LINGO2: variants seen among roughly 807,000 people sequenced by gnomAD.
LINGO2 encodes leucine-rich repeat and immunoglobulin-like domain-containing nogo receptor-interacting protein 2.
In LINGO2, 14 loss-of-function variants were observed where a neutral mutation model predicts 30.6. That is an observed-to-expected ratio of 0.46 (90% confidence interval 0.30 to 0.72). The LOEUF is 0.72. Among genes scored for constraint, LINGO2 ranks in the 30% least tolerant of loss-of-function variants. The pLI is 0.07. For synonymous variants in LINGO2, 317 were observed against 288.5 expected, an observed-to-expected ratio of 1.10 and a Z score of -1.00; for missense variants, 729 against 751.7, an observed-to-expected ratio of 0.97 and a Z score of 0.35.
chr9:28,614,892 A>C (rs1183613437), intron 1 of LINGO2, among the ~76,000 whole-genome samples: 1 of 152,084 alleles, frequency 6.6e-6, no homozygotes, highest in Non-Finnish European at 1.5e-5. Context: ...TACACAAAAG[A>C]AATAGGTTAA....
rs12002612 is a variant in LINGO2, at chr9:28,012,987, G to A, written c.-86-582C>T. ...TGCGGAATTACATAAAGAATGCTGCGTGAGATTTTGTTTTTCTAACAACTT... is the reference window on the plus strand; with the variant it reads ...TGCGGAATTACATAAAGAATGCTGCATGAGATTTTGTTTTTCTAACAACTT... On this transcript the variant is annotated intron_variant, in intron 4 of 5. Transcript: ENST00000379992. Among the ~76,000 whole-genome samples, 591 of 152,224 alleles carry A rather than the reference G, an allele frequency of 3.9e-3. 3 individuals carry two copies. The highest frequency in any genetic ancestry group is 0.013 in the African/African-American group (554 of 41,546).
At chr9:29,173,328 A>G in the LINGO2 span, among the ~76,000 whole-genome samples, 1 of 152,118 alleles carries the variant, frequency 6.6e-6, no homozygotes, top group African/African-American at 2.4e-5. Flanking sequence ...GCTTCATTTC[A>G]GCTTTATATT....
At chr9:28,616,738 G>T (rs553631182) in intron 1 of LINGO2, among the ~76,000 whole-genome samples, 1 of 152,150 alleles carries the variant, frequency 6.6e-6, no homozygotes, top group Non-Finnish European at 1.5e-5. Context: ...TGCAACAGTC[G>T]GTTATCTAGG....
chr9:28,626,112 C>A (rs1030329600), intron 1 of LINGO2, among the ~76,000 whole-genome samples: 5 of 152,082 alleles, frequency 3.3e-5, no homozygotes, highest in Non-Finnish European at 5.9e-5. Flanking sequence ...AAATTGTAAC[C>A]ATTTTAGTTG....
At chr9:28,382,363 A>C (rs897495695) in intron 2 of LINGO2, among the ~76,000 whole-genome samples, 1 of 152,152 alleles carries the variant, frequency 6.6e-6, no homozygotes, top group Non-Finnish European at 1.5e-5. Context: ...AACTCATTAG[A>C]TACGTCTTTC....
intron 1 of LINGO2, among the ~76,000 whole-genome samples, chr9:28,527,092 A>G (rs1821065694): frequency 6.6e-6 from 1 of 152,292 alleles, no homozygotes; most frequent in Admixed American, 6.5e-5. Flanking sequence ...TTTACACAGA[A>G]GTAGAGTCAT....
At chr9:28,437,622 C>T (rs1259975441) in intron 2 of LINGO2, among the ~76,000 whole-genome samples, 2 of 151,926 alleles carry the variant, frequency 1.3e-5, no homozygotes, top group Non-Finnish European at 2.9e-5. Flanking sequence ...TCACTTCTAT[C>T]TCTCTGGAAA....
chr9:28,906,494 T>C, the LINGO2 span, among the ~76,000 whole-genome samples: 1 of 151,880 alleles, frequency 6.6e-6, no homozygotes, highest in South Asian at 2.1e-4. Flanking sequence ...GCAGATATCC[T>C]GGCAATGATT....
the LINGO2 span, among the ~76,000 whole-genome samples, chr9:28,981,156 T>C: frequency 6.6e-6 from 1 of 152,054 alleles, no homozygotes; most frequent in Admixed American, 6.6e-5. Flanking sequence ...AATACACAAG[T>C]GCATAGTGCT....
At chr9:28,433,314 A>C (rs1015701099) in intron 2 of LINGO2, among the ~76,000 whole-genome samples, 2 of 135,416 alleles carry the variant, frequency 1.5e-5, no homozygotes, top group African/African-American at 5.0e-5. Context: ...GGAAGATCTC[A>C]GCCACTGGGT....
intron 2 of LINGO2, among the ~76,000 whole-genome samples, chr9:28,470,862 A>T (rs1475497036): frequency 6.7e-6 from 1 of 148,804 alleles, no homozygotes; most frequent in South Asian, 2.1e-4. Flanking sequence ...TACAATTTAT[A>T]TATCTGTAAT....
chr9:28,132,004 C>A (rs979445518), intron 4 of LINGO2, among the ~76,000 whole-genome samples: 1 of 152,170 alleles, frequency 6.6e-6, no homozygotes, highest in Non-Finnish European at 1.5e-5. Context: ...CACTCTCCAG[C>A]TATGCTCTTG....
At chr9:28,553,585 T>C (rs1307017624) in intron 1 of LINGO2, among the ~76,000 whole-genome samples, 1 of 152,052 alleles carries the variant, frequency 6.6e-6, no homozygotes, top group African/African-American at 2.4e-5. Context: ...CAGGATATTA[T>C]CCAGGAGAAC....
At chr9:28,258,452 T>C (rs372971634) in intron 4 of LINGO2, among the ~76,000 whole-genome samples, 2 of 151,876 alleles carry the variant, frequency 1.3e-5, no homozygotes, top group South Asian at 2.1e-4. Context: ...TATAAACATA[T>C]AAAAAGATCA....
intron 2 of LINGO2, among the ~76,000 whole-genome samples, chr9:28,443,690 T>C (rs927675087): frequency 6.6e-6 from 1 of 152,164 alleles, no homozygotes; most frequent in African/African-American, 2.4e-5. Flanking sequence ...CCTCTGGACT[T>C]TGGGTGCCAA....
intron 4 of LINGO2, among the ~76,000 whole-genome samples, chr9:28,039,577 T>TATG (rs1350026233): frequency 6.6e-6 from 1 of 152,134 alleles, no homozygotes; most frequent in Non-Finnish European, 1.5e-5. Flanking sequence ...TTCCATTGAG[T>TATG]ACATGTAAGT....
At chr9:29,186,311 T>C in the LINGO2 span, among the ~76,000 whole-genome samples, 3 of 131,204 alleles carry the variant, frequency 2.3e-5, no homozygotes, top group Admixed American at 2.6e-4. Context: ...CTGCAATTTA[T>C]GTCACCAAAA....
In LINGO2 at chr9:28,531,050, T is replaced by A. The variant is rs905293937; in HGVS notation, c.-364-55025A>T. Among the ~76,000 whole-genome samples the A allele has an allele frequency of 3.4e-3, 499 of 145,502 alleles. 2 individuals are homozygous for A. The highest frequency in any genetic ancestry group is 0.011 in the African/African-American group (453 of 39,800). On this transcript the variant is annotated intron_variant, in intron 1 of 5. Coordinates refer to ENST00000379992, the Ensembl canonical transcript of LINGO2. Reference sequence around the variant, plus strand: ...TAAGTATGCCATATATAAAAATAAATATATATATATATATAATATATAAAA... The same window carrying A: ...TAAGTATGCCATATATAAAAATAAAAATATATATATATATAATATATAAAA...
chr9:28,338,904 C>A (rs1251579099), intron 3 of LINGO2, among the ~76,000 whole-genome samples: 1 of 151,924 alleles, frequency 6.6e-6, no homozygotes, highest in Admixed American at 6.6e-5. Context: ...ATACACCACC[C>A]CCTCATCCAC....
Sources: gnomAD v4.1 joint callset for allele counts (sites outside exome capture counted in the v4.1 genomes callset) on GRCh38, gnomAD v4.1.1 for gene constraint, MANE v1.5 for transcripts, NCBI Gene and HGNC (gene_info 2026-07-23, HGNC 2026-07-21) for gene names.